ADCY9: variants seen among roughly 807,000 people sequenced by gnomAD.
ADCY9 encodes the protein adenylate cyclase 9.
Under a neutral mutation model 101.5 loss-of-function variants are expected in ADCY9, and 50 were observed. The observed-to-expected ratio is 0.49, with a 90% CI of 0.39 to 0.62. The LOEUF (loss-of-function observed/expected upper bound fraction) is 0.62, where lower values mean the gene tolerates loss of function less well. Among genes scored for constraint, ADCY9 ranks in the 20% least tolerant of loss-of-function variants. The pLI, the probability that ADCY9 is intolerant of heterozygous loss-of-function variation, is 0.00. For missense variants in ADCY9, 1,662 were observed against 1,800.4 expected (o/e 0.92, Z 1.39); for synonymous variants, 905 against 769.3 (o/e 1.18, Z -2.92).
chr16:4,055,317 G>C lies in ADCY9; in HGVS notation c.1694-47759C>G, dbSNP rs186704441. 1.4e-3 allele frequency among the ~76,000 whole-genome samples: 209 copies of C among 152,288 alleles called. 1 individual carries two copies. The highest frequency in any genetic ancestry group is 4.8e-3 in the African/African-American group (201 of 41,558). ...GGAGGCTGAGGCGAGCAGATCACTT[G>C]AGGTCAGGAGTTCAAGACCAACCTG... On this transcript the variant is annotated intron_variant, in intron 2 of 10. Coordinates refer to ENST00000294016, the MANE Select transcript of ADCY9 (RefSeq NM_001116.4).
chr16:4,014,402 AGGCACCTTGCCT>A, intron 2 of ADCY9, among the ~76,000 whole-genome samples: 1 of 151,956 alleles, frequency 6.6e-6, no homozygotes, highest in Non-Finnish European at 1.5e-5. Flanking sequence ...AACAAAGGGT[AGGCACCTTGCCT>A]GTTTAATTTG....
intron 2 of ADCY9, among the ~76,000 whole-genome samples, chr16:4,062,998 C>A (rs950007487): frequency 1.3e-5 from 2 of 152,174 alleles, no homozygotes; most frequent in Admixed American, 6.5e-5. Flanking sequence ...ACCAACCTGA[C>A]GTAACTAACA....
chr16:3,966,861 C>G lies in ADCY9; in HGVS notation c.2976G>C (p.Leu992Phe), dbSNP rs755728965. The change falls in exon 11 of 11, where the codon TTG (leucine) becomes TTC (phenylalanine). Residue 992 changes from leucine to phenylalanine, a missense_variant. By Grantham distance (22) the Leu-to-Phe change is conservative. This residue lies in a region of ADCY9 where 624 missense variants were observed against 639.1 expected (regional missense o/e 0.98). Transcript: ENST00000294016. The part of the protein sequence containing the change: ...VVLVFFLLLL[L>F]VWFLNREFEV... ...CAAATTCGCGATTCAGGAACCAGACCAACAAGAGCAGGAGAAAGAAGACGA... is the reference window on the plus strand; with the variant it reads ...CAAATTCGCGATTCAGGAACCAGACGAACAAGAGCAGGAGAAAGAAGACGA... 9 of 1,614,170 alleles carry G rather than the reference C, an allele frequency of 5.6e-6. No individual in the cohort carries two copies. Among genetic ancestry groups the G allele is most frequent in the Non-Finnish European group, 7.6e-6 (9 of 1,180,048 alleles).
At chr16:3,988,752 G>A (rs2056219144) in intron 6 of ADCY9, among the ~76,000 whole-genome samples, 3 of 152,216 alleles carry the variant, frequency 2.0e-5, no homozygotes, top group Admixed American at 6.5e-5. Context: ...TGCCACGGCA[G>A]AGGAAAGGGG....
rs150826321 is a variant in ADCY9 at position 3,977,594 on chromosome 16, C to T, written c.2716G>A (p.Val906Ile). The T allele has an allele frequency of 3.1e-4, 505 of 1,612,186 alleles. No individual in the cohort carries two copies. The highest frequency in any genetic ancestry group is 4.0e-4 in the Non-Finnish European group (466 of 1,179,624). Residue 906 changes from valine to isoleucine, a missense_variant, in exon 9 of 11, where the codon GTC (valine) becomes ATC (isoleucine). Physicochemically the swap from Val to Ile is conservative, Grantham distance 29 (BLOSUM62 3). This residue lies in a region of ADCY9 where 624 missense variants were observed against 639.1 expected (regional missense o/e 0.98). Transcript: ENST00000294016. ...TGGCAGAAGTTACAGTAGTGCACGA[C>T]GGCAATCAGCGCGGCCGAGCCTGTG... ...VFTGSAALIA[V>I]VHYCNFCQLS...
At chr16:4,033,926 T>C (rs964127961) in intron 2 of ADCY9, among the ~76,000 whole-genome samples, 2 of 152,204 alleles carry the variant, frequency 1.3e-5, no homozygotes, top group South Asian at 4.1e-4. Flanking sequence ...GCCTGGCACA[T>C]ATTAGCACCG....
intron 2 of ADCY9, among the ~76,000 whole-genome samples, chr16:4,104,603 C>A (rs1311876420): frequency 6.6e-6 from 1 of 151,654 alleles, no homozygotes; most frequent in African/African-American, 2.4e-5. Context: ...CAGAGTAGGA[C>A]CCCATCTCAG....
At chr16:3,998,749 GAAAGAAAAGAAAAGAAAAGAAAAGA>G (rs71133679) in intron 3 of ADCY9, among the ~76,000 whole-genome samples, 48,477 of 90,068 alleles carry the variant, frequency 0.54, 13,261 homozygotes, top group Middle Eastern at 0.6. Flanking sequence ...AAGAAAGAAA[GAAAGAAAAGAAAAGAAAAGAAAAGA>G]AAAGAAAAGA....
At chr16:3,954,473 G>A (rs1026326003) in intron 5 of ADCY9, among the ~76,000 whole-genome samples, 5 of 152,184 alleles carry the variant, frequency 3.3e-5, no homozygotes, top group Admixed American at 1.3e-4. Context: ...CTCCCAGCTC[G>A]CAGCTCGGGC....
intron 5 of ADCY9, among the ~76,000 whole-genome samples, chr16:3,954,200 G>A (rs1276915719): frequency 3.3e-5 from 5 of 152,198 alleles, no homozygotes; most frequent in African/African-American, 4.8e-5. Flanking sequence ...CAGGACGGGC[G>A]TCGCTGAGCT....
chr16:4,041,925 T>TC (rs1386510392), intron 2 of ADCY9, among the ~76,000 whole-genome samples: 3 of 143,244 alleles, frequency 2.1e-5, no homozygotes, highest in Non-Finnish European at 3.1e-5. Context: ...CTAAGTTTTT[T>TC]TTTTTTTTTT....
Position 4,058,157 on chromosome 16 carries a change from TAA to T in ADCY9, c.1694-50601_1694-50600del, listed in dbSNP as rs56278937. Among the ~76,000 whole-genome samples the T allele has an allele frequency of 8.4e-4, 106 of 125,702 alleles. 1 individual carries two copies. Among genetic ancestry groups the T allele is most frequent in the Middle Eastern group, 4.7e-3 (1 of 214 alleles). The allele number at this position is 125,702 out of a possible 152,430, so 82.5% of individuals were successfully genotyped here. ...CTGAGTGACAGAGTGAGACTCTGTC[TAA>T]AAAAAAAAAAAAAGAGAGTTGAGGC... On this transcript the variant is annotated intron_variant, in intron 2 of 10. Transcript: ENST00000294016.
At chr16:4,093,284 C>T (rs2056984222) in intron 2 of ADCY9, among the ~76,000 whole-genome samples, 1 of 152,312 alleles carries the variant, frequency 6.6e-6, no homozygotes, top group Non-Finnish European at 1.5e-5. Flanking sequence ...GTTTCATATT[C>T]AACCATTTGC....
At chr16:3,975,909 T>C (rs2056088881) in intron 9 of ADCY9, among the ~76,000 whole-genome samples, 1 of 152,240 alleles carries the variant, frequency 6.6e-6, no homozygotes, top group Non-Finnish European at 1.5e-5. Flanking sequence ...TATTACTGTA[T>C]TTCCAACAAC....
intron 2 of ADCY9, among the ~76,000 whole-genome samples, chr16:4,025,913 T>G (rs1209691413): frequency 6.6e-6 from 1 of 151,718 alleles, no homozygotes; most frequent in Non-Finnish European, 1.5e-5. Context: ...GAATCACTCA[T>G]GAGAAAGTAT....
intron 9 of ADCY9, among the ~76,000 whole-genome samples, chr16:3,974,930 C>T (rs1159812381): frequency 2.0e-5 from 3 of 152,198 alleles, no homozygotes; most frequent in Admixed American, 1.3e-4. Context: ...TACCATCCCG[C>T]ATCCTCTCTA....
Position 4,114,170 on chromosome 16 carries a change from G to A in ADCY9, c.1273C>T (p.Arg425Cys). ...LVGLLNDLFG[R>C]FDRLCEETKC... ...GTCTCCTCACACAGGCGGTCGAAGC[G>A]ACCGAACAGATCGTTCAGGAGACCC... The change falls in exon 2 of 11, where the codon CGC becomes TGC. Residue 425 changes from arginine to cysteine, a missense_variant. Around this residue, in one of 5 missense-constraint regions of ADCY9, gnomAD observed 228 missense variants for 301.1 expected, o/e 0.76. Transcript: ENST00000294016. This position sits in a 1 kb window ranked among gnomAD's most constrained non-coding sequence, Gnocchi z 4.3. 1 of 1,613,848 alleles carries A rather than the reference G, an allele frequency of 6.2e-7. No individual in the cohort carries two copies. Among genetic ancestry groups the A allele is most frequent in the Non-Finnish European group, 8.5e-7 (1 of 1,180,028 alleles).
chr16:4,097,487 T>TATATACGCACACAC (rs76750792), intron 2 of ADCY9, among the ~76,000 whole-genome samples: 1 of 72,508 alleles, frequency 1.4e-5, no homozygotes, highest in African/African-American at 5.2e-5. Context: ...TATATATATA[T>TATATACGCACACAC]ACACACACAC....
chr16:4,033,564 G>A (rs912301340), intron 2 of ADCY9, among the ~76,000 whole-genome samples: 2 of 151,760 alleles, frequency 1.3e-5, no homozygotes, highest in African/African-American at 4.8e-5. Context: ...CTCCTGAGTA[G>A]CTGGGACTAC....
Sources: gnomAD v4.1 joint callset for allele counts (sites outside exome capture counted in the v4.1 genomes callset) on GRCh38, gnomAD v4.1.1 for gene constraint, gnomAD v4.1.1 regional missense constraint, Gnocchi (gnomAD v3.1) non-coding constraint, MANE v1.5 for transcripts, NCBI Gene and HGNC (gene_info 2026-07-23, HGNC 2026-07-21) for gene names.